Variants in LRRC37A2 observed in about 807,000 individuals in gnomAD.
LRRC37A2 encodes leucine-rich repeat-containing protein 37A2.
LRRC37A2 carries 9 observed loss-of-function variants against 68.8 expected under a neutral mutation model. The ratio of observed to expected loss-of-function variants is 0.13; its 90% CI spans 0.08 to 0.23. LRRC37A2 has a LOEUF of 0.23. Ranked by LOEUF, LRRC37A2 falls within the 10% of genes least tolerant of loss-of-function variation. The pLI is 1.00. For missense variants in LRRC37A2, 168 were observed against 950.4 expected (o/e 0.18, Z 10.82); for synonymous variants, 63 against 367.6 (o/e 0.17, Z 9.48).
the LRRC37A2 span, among the ~76,000 whole-genome samples, chr17:46,762,083 T>C: frequency 6.6e-6 from 1 of 152,240 alleles, no homozygotes; most frequent in African/African-American, 2.4e-5. Flanking sequence ...CAAGTTTCAT[T>C]TTCAATAGAG....
the LRRC37A2 span, among the ~76,000 whole-genome samples, chr17:46,982,257 C>G: frequency 6.6e-6 from 1 of 152,176 alleles, no homozygotes; most frequent in Non-Finnish European, 1.5e-5. Context: ...TCAGTTATAT[C>G]CTTTGTCTGA....
chr17:46,814,509 C>T, the LRRC37A2 span, among the ~76,000 whole-genome samples: 1 of 152,170 alleles, frequency 6.6e-6, no homozygotes, highest in Non-Finnish European at 1.5e-5. Context: ...ATATCCCCCC[C>T]AGGGAAAGGT....
At chr17:46,912,727 A>C in the LRRC37A2 span, among the ~76,000 whole-genome samples, 1 of 152,172 alleles carries the variant, frequency 6.6e-6, no homozygotes, top group Non-Finnish European at 1.5e-5. Flanking sequence ...GGTGAGGAGA[A>C]ATCCAGAGGT....
the LRRC37A2 span, among the ~76,000 whole-genome samples, chr17:46,707,743 T>C: frequency 2.0e-5 from 3 of 151,988 alleles, no homozygotes; most frequent in African/African-American, 7.2e-5. Context: ...TAATACTCCA[T>C]TATATGGGCC....
chr17:46,984,861 C>A, the LRRC37A2 span, among the ~76,000 whole-genome samples: 1 of 152,202 alleles, frequency 6.6e-6, no homozygotes, highest in Admixed American at 6.5e-5. Context: ...CTGTAAACCA[C>A]CCAGACACCT....
At chr17:46,988,521 A>T in the LRRC37A2 span, among the ~76,000 whole-genome samples, 1 of 152,226 alleles carries the variant, frequency 6.6e-6, no homozygotes, top group Non-Finnish European at 1.5e-5. Flanking sequence ...GATGCAGGTG[A>T]ACAAAGGCAG....
chr17:46,950,918 T>G, the LRRC37A2 span, among the ~76,000 whole-genome samples: 29 of 152,296 alleles, frequency 1.9e-4, no homozygotes, highest in Admixed American at 5.9e-4. Flanking sequence ...ATGAGAGATC[T>G]GGAGTCAGAG....
the LRRC37A2 span, among the ~76,000 whole-genome samples, chr17:46,846,995 T>C: frequency 2.6e-5 from 4 of 152,242 alleles, no homozygotes; most frequent in African/African-American, 9.6e-5. Flanking sequence ...TGCTTAAAGT[T>C]CCACCATTGG....
chr17:46,756,419 T>G, the LRRC37A2 span: 1 of 152,392 alleles, frequency 6.6e-6, no homozygotes, highest in Non-Finnish European at 1.5e-5. Flanking sequence ...TGTTTTCAAG[T>G]TGCAGTCAGA....
the LRRC37A2 span, among the ~76,000 whole-genome samples, chr17:46,786,987 C>A: frequency 2.0e-5 from 3 of 151,220 alleles, no homozygotes; most frequent in African/African-American, 7.3e-5. Context: ...ACACAGGCTG[C>A]AGTGCAGTGG....
At chr17:46,822,988 A>G in the LRRC37A2 span, among the ~76,000 whole-genome samples, 2 of 147,328 alleles carry the variant, frequency 1.4e-5, no homozygotes, top group African/African-American at 2.5e-5. Flanking sequence ...ATTCAGTTTT[A>G]TGTATTTATA....
At chr17:46,996,890 C>T in the LRRC37A2 span, among the ~76,000 whole-genome samples, 5 of 152,190 alleles carry the variant, frequency 3.3e-5, no homozygotes, top group African/African-American at 4.8e-5. Context: ...GTTCCTTCAG[C>T]CCCTCTGACC....
chr17:46,773,030 T>G, the LRRC37A2 span, among the ~76,000 whole-genome samples: 3 of 152,134 alleles, frequency 2.0e-5, no homozygotes, highest in Non-Finnish European at 4.4e-5. Context: ...GTTGTCCCAC[T>G]TAGCCTCCCT....
chr17:46,894,727 G>A, the LRRC37A2 span, among the ~76,000 whole-genome samples: 2 of 152,184 alleles, frequency 1.3e-5, no homozygotes, highest in Non-Finnish European at 2.9e-5. Flanking sequence ...CCCCCACCTG[G>A]CGTTTAATCT....
At chr17:46,853,873 G>C in the LRRC37A2 span, among the ~76,000 whole-genome samples, 1 of 152,154 alleles carries the variant, frequency 6.6e-6, no homozygotes, top group Non-Finnish European at 1.5e-5. Context: ...GGTTCCAGGA[G>C]GACCACCCTA....
At chr17:46,834,563 T>C in the LRRC37A2 span, among the ~76,000 whole-genome samples, 1 of 152,100 alleles carries the variant, frequency 6.6e-6, no homozygotes, top group East Asian at 1.9e-4. Context: ...TCAAGAACGG[T>C]CAACTCTAGC....
the LRRC37A2 span, among the ~76,000 whole-genome samples, chr17:46,851,959 C>A: frequency 0.15 from 23,475 of 152,100 alleles, 2,174 homozygotes; most frequent in East Asian, 0.38. The surrounding 1 kb of genome is among the most constrained non-coding windows in gnomAD (Gnocchi z 4.3). Context: ...CGCCCCCCAG[C>A]CGCCGCTCTC....
chr17:46,489,358 G>A, the LRRC37A2 span, among the ~76,000 whole-genome samples: 4 of 102,296 alleles, frequency 3.9e-5, 1 homozygote, highest in East Asian at 2.4e-4. Context: ...GGCTGGTCTC[G>A]AACTCCTGAC....
the LRRC37A2 span, among the ~76,000 whole-genome samples, chr17:46,917,711 G>A: frequency 6.6e-6 from 1 of 152,194 alleles, no homozygotes; most frequent in Non-Finnish European, 1.5e-5. Context: ...TCCGCTTGGC[G>A]TTGCCCTAGT....
Sources: allele counts gnomAD v4.1 joint callset (sites outside exome capture counted in the v4.1 genomes callset), GRCh38; gene constraint gnomAD v4.1.1; non-coding constraint Gnocchi (gnomAD v3.1); transcripts MANE v1.5; gene names NCBI Gene and HGNC (gene_info 2026-07-23, HGNC 2026-07-21).